RBBP6: variants seen among roughly 807,000 people sequenced by gnomAD.
RBBP6 encodes E3 ubiquitin-protein ligase RBBP6.
Under a neutral mutation model 167.7 loss-of-function variants are expected in RBBP6, and 25 were observed. The observed-to-expected ratio is 0.15, with a 90% CI of 0.11 to 0.21. The LOEUF (loss-of-function observed/expected upper bound fraction) is 0.21, where lower values mean the gene tolerates loss of function less well. Among genes scored for constraint, RBBP6 ranks in the 10% least tolerant of loss-of-function variants. RBBP6 has a pLI of 1.00. For missense variants in RBBP6, 1,868 were observed against 2,134.2 expected (o/e 0.88, Z 2.46); for synonymous variants, 789 against 735.8 (o/e 1.07, Z -1.17).
At position 24,572,175 on chromosome 16, in the gene RBBP6, CCA is replaced by C; in HGVS notation, c.5112_5113del (p.His1704GlnfsTer12). 1 of 1,614,110 alleles carries C rather than the reference CCA, an allele frequency of 6.2e-7. No homozygotes were observed. The highest frequency in any genetic ancestry group is 8.5e-7 in the Non-Finnish European group (1 of 1,180,034). The stretch of plus-strand genomic sequence containing the variant: ...GCCCCAGCGTCAGCCCCAGCAGAAG[CCA>C]CAGTCCTTCTGGAAGCCAGACCCGA... ...SSPSVSPSRS[H>X]SPSGSQTRSH... is the part of the protein sequence containing the mutation. On this transcript the variant is annotated frameshift_variant, in exon 18 of 18. Coordinates refer to ENST00000319715, the MANE Select transcript of RBBP6 (RefSeq NM_006910.5). LOFTEE classifies it high-confidence loss of function.
intron 1 of RBBP6, 44 bp from the exon 2 acceptor site, chr16:24,546,119 T>G: frequency 6.5e-7 from 1 of 1,536,284 alleles, no homozygotes; most frequent in East Asian, 2.4e-5. Flanking sequence ...GGTTACGCAC[T>G]CAAATCCCCA....
At chr16:24,557,942 C>T (rs753832146) in intron 7 of RBBP6, among the ~76,000 whole-genome samples, 1 of 152,190 alleles carries the variant, frequency 6.6e-6, no homozygotes, top group Non-Finnish European at 1.5e-5. Flanking sequence ...ACCCTGCTCA[C>T]TTCCTCAACT....
At chr16:24,552,436 C>T (rs1898818701) in intron 3 of RBBP6, among the ~76,000 whole-genome samples, 1 of 151,692 alleles carries the variant, frequency 6.6e-6, no homozygotes, top group Non-Finnish European at 1.5e-5. Context: ...GAGTTCTGAC[C>T]TTACGACATG....
Position 24,556,447 on chromosome 16 carries a change from C to T in RBBP6, c.674C>T (p.Ala225Val), listed in dbSNP as rs1188555043. Reference sequence around the variant, plus strand: ...AAATATGCAATACCAACTATAGATGCGTAAGTATGCAAATTAGGTATGACC... The same window carrying T: ...AAATATGCAATACCAACTATAGATGTGTAAGTATGCAAATTAGGTATGACC... ...TGKYAIPTID[A>V]EAYAIGKKEK... is the part of the protein sequence containing the mutation. The change falls in exon 7 of 18, where the codon GCA becomes GTA. Residue 225 changes from alanine (A) to valine (V), a missense_variant and splice_region_variant. Transcript: ENST00000319715. 2.5e-6 allele frequency: 4 copies of T among 1,611,418 alleles called. No homozygotes were observed. The highest frequency in any genetic ancestry group is 2.5e-6 in the Non-Finnish European group (3 of 1,178,650).
At chr16:24,547,241 A>C (rs1469534079) in intron 2 of RBBP6, among the ~76,000 whole-genome samples, 1 of 152,206 alleles carries the variant, frequency 6.6e-6, no homozygotes, top group African/African-American at 2.4e-5. Flanking sequence ...CATATGGGCA[A>C]GTATTCTAAG....
chr16:24,553,275 A>AT (rs1898841127), intron 3 of RBBP6: 2 of 415,828 alleles, frequency 4.8e-6, no homozygotes, highest in South Asian at 4.2e-5. Context: ...TGTGTGATAC[A>AT]TTTTTTCATT....
chr16:24,545,138 C>T (rs770684073), intron 1 of RBBP6, among the ~76,000 whole-genome samples: 1 of 152,134 alleles, frequency 6.6e-6, no homozygotes. Context: ...AGTGCAGTGG[C>T]GCGATCTCGG....
Position 24,548,925 on chromosome 16 carries a change from GTTT to G in RBBP6, c.267-17_267-15del. On this transcript the variant is annotated splice_polypyrimidine_tract_variant and intron_variant, in intron 2 of 17. Transcript: ENST00000319715. The stretch of plus-strand genomic sequence containing the variant: ...TCATAAATAGCTAATGTTAATTTTT[GTTT>G]TTATTTTGTGTTTTAGAAGTCGAAC... 1.3e-6 allele frequency: 2 copies of G among 1,585,160 alleles called. No homozygotes were observed. The highest frequency in any genetic ancestry group is 1.1e-5 in the South Asian group (1 of 87,576).
In RBBP6 at chr16:24,568,941, C is replaced by G; in HGVS notation, c.2251C>G (p.His751Asp). ...SRNYRSRSRS[H>D]GYHRSRSRSP... ...CAATTACCGTTCACGGTCTAGATCT[C>G]ATGGATATCATCGATCTAGGTCAAG... Residue 751 changes from histidine to aspartate, a missense_variant, in exon 17 of 18, where the codon CAT becomes GAT. By Grantham distance (81) the His-to-Asp change is moderately conservative. Coordinates refer to ENST00000319715, the MANE Select transcript of RBBP6 (RefSeq NM_006910.5). 6.2e-7 allele frequency: 1 copy of G among 1,614,192 alleles called. No homozygotes were observed. The highest frequency in any genetic ancestry group is 8.5e-7 in the Non-Finnish European group (1 of 1,179,992).
chr16:24,541,458 TGTTA>T (rs967291760), intron 1 of RBBP6, among the ~76,000 whole-genome samples: 11 of 152,350 alleles, frequency 7.2e-5, no homozygotes, highest in African/African-American at 2.4e-4. Flanking sequence ...GTAGTTAAAC[TGTTA>T]GTTCATCACA....
At chr16:24,541,941 T>G (rs1463712861) in intron 1 of RBBP6, among the ~76,000 whole-genome samples, 1 of 152,230 alleles carries the variant, frequency 6.6e-6, no homozygotes, top group Non-Finnish European at 1.5e-5. Flanking sequence ...AATCTTGTCA[T>G]GTAGAAGACC....
chr16:24,547,484 A>G (rs922805259), intron 2 of RBBP6, among the ~76,000 whole-genome samples: 11 of 152,004 alleles, frequency 7.2e-5, no homozygotes, highest in African/African-American at 2.7e-4. Flanking sequence ...TTTTCCTGAG[A>G]TGGAGTCTCA....
At position 24,570,063 on chromosome 16, in the gene RBBP6, A is replaced by G; in HGVS notation, c.3373A>G (p.Thr1125Ala). ...AGATGTCAAATCAGAAAAGCTAACA[A>G]CTAAGGAAGAAAAGGCCAAGAAGCC... is the stretch of plus-strand genomic sequence containing the variant. ...SKDVKSEKLT[T>A]KEEKAKKPNE... is the part of the protein sequence containing the mutation. Residue 1125 changes from threonine (T) to alanine (A), a missense_variant, in exon 17 of 18, where the codon ACT becomes GCT. Thr to Ala is a moderately conservative substitution (Grantham distance 58). Around this residue, in one of 7 missense-constraint regions of RBBP6, gnomAD observed 673 missense variants for 691.5 expected, o/e 0.97. Transcript: ENST00000319715. The G allele has an allele frequency of 6.2e-7, 1 of 1,608,818 alleles. No individual in the cohort carries two copies. The highest frequency in any genetic ancestry group is 1.3e-5 in the African/African-American group (1 of 74,496).
chr16:24,562,766 A>G (rs748455177), intron 10 of RBBP6, among the ~76,000 whole-genome samples: 1 of 151,826 alleles, frequency 6.6e-6, no homozygotes, highest in Non-Finnish European at 1.5e-5. Context: ...TTACATTTAC[A>G]TTTAAGAAAT....
rs573947958 is a variant in RBBP6 at position 24,550,582 on chromosome 16, A to G, written c.303+1601A>G. Among the ~76,000 whole-genome samples, 9 of 151,868 alleles carry G rather than the reference A, an allele frequency of 5.9e-5. No individual in the cohort carries two copies. The South Asian group carries it at 6.2e-4, about 10-fold the overall frequency. Reference sequence around the variant, plus strand: ...AGATGAAGTTTTATTTCTTGAAAACAGTTATTTCCTTTTTGTTTATTAGCA... The same window carrying G: ...AGATGAAGTTTTATTTCTTGAAAACGGTTATTTCCTTTTTGTTTATTAGCA... On this transcript the variant is annotated intron_variant, in intron 3 of 17. Coordinates refer to ENST00000319715, the MANE Select transcript of RBBP6 (RefSeq NM_006910.5).
In RBBP6 at chr16:24,572,080, A is replaced by G; in HGVS notation, c.5014A>G (p.Lys1672Glu). The stretch of plus-strand genomic sequence containing the variant: ...GGACCTGAAAGATAAAATAGTGGAG[A>G]AAGCAAAAGAGAGCCTGGACACAGC... ...SKDLKDKIVEKAKESLDTAAV... is the reference protein window; with the variant it reads ...SKDLKDKIVEEAKESLDTAAV... Residue 1672 changes from lysine to glutamate, a missense_variant, in exon 18 of 18, where the codon AAA (lysine) becomes GAA (glutamate). Coordinates refer to ENST00000319715, the MANE Select transcript of RBBP6 (RefSeq NM_006910.5). 2.5e-6 allele frequency: 4 copies of G among 1,614,142 alleles called. No homozygotes were observed. The highest frequency in any genetic ancestry group is 1.6e-4 in the Middle Eastern group (1 of 6,062).
chr16:24,540,395 C>G lies in RBBP6; in HGVS notation c.-232C>G, dbSNP rs556901345. 26 of 418,274 alleles carry G rather than the reference C, an allele frequency of 6.2e-5. No individual in the cohort carries two copies. The highest frequency in any genetic ancestry group is 5.2e-4 in the African/African-American group (26 of 49,610). 25.9% of individuals were successfully genotyped at this position (418,274 alleles called of 1,614,324 possible). On this transcript the variant is annotated 5_prime_UTR_variant, in exon 1 of 18. Coordinates refer to ENST00000319715, the MANE Select transcript of RBBP6 (RefSeq NM_006910.5). ...CGGATTCTCGATTTCCCCTCTTCCC[C>G]GTCCTCGTCCTCCTCCTCCCCCATG... is the stretch of plus-strand genomic sequence containing the variant.
intron 1 of RBBP6, among the ~76,000 whole-genome samples, chr16:24,541,385 A>G (rs1315771173): frequency 6.6e-6 from 1 of 152,114 alleles, no homozygotes; most frequent in African/African-American, 2.4e-5. Flanking sequence ...GGATCTTGAA[A>G]TGTTCTGATG....
Position 24,540,404 on chromosome 16 carries a change from C to T in RBBP6, c.-223C>T, listed in dbSNP as rs570150913. The T allele has an allele frequency of 4.4e-5, 19 of 434,770 alleles. No individual in the cohort carries two copies. The highest frequency in any genetic ancestry group is 2.4e-4 in the African/African-American group (12 of 49,934). 26.9% of individuals were successfully genotyped at this position (434,770 alleles called of 1,614,324 possible). A position where few individuals can be genotyped will look rare whatever the true frequency, so the allele number is the denominator to read the frequency against. On this transcript the variant is annotated 5_prime_UTR_variant, in exon 1 of 18. Transcript: ENST00000319715. ...GATTTCCCCTCTTCCCCGTCCTCGT[C>T]CTCCTCCTCCCCCATGAAGTGATTC...
Sources: gnomAD v4.1 joint callset for allele counts (sites outside exome capture counted in the v4.1 genomes callset) on GRCh38, gnomAD v4.1.1 for gene constraint, gnomAD v4.1.1 regional missense constraint, MANE v1.5 for transcripts, NCBI Gene and HGNC (gene_info 2026-07-23, HGNC 2026-07-21) for gene names.